The following CTPS2 variants were observed in gnomAD, a reference collection of about 807,000 sequenced individuals.
CTPS2 encodes CTP synthase II.
CTPS2 carries 19 observed loss-of-function variants against 46.8 expected under a neutral mutation model. The observed-to-expected ratio is 0.41, with a 90% CI of 0.28 to 0.60. The LOEUF (loss-of-function observed/expected upper bound fraction) is 0.60. Ranked by LOEUF, CTPS2 falls within the 20% of genes least tolerant of loss-of-function variation. CTPS2 has a pLI of 0.35. For synonymous variants in CTPS2, 151 were observed against 165.2 expected (o/e 0.91, Z 0.66); for missense variants, 286 against 447.6 (o/e 0.64, Z 3.26).
At chrX:16,649,105 T>C (rs1467291254) in intron 13 of CTPS2, among the ~76,000 whole-genome samples, 1 of 112,467 alleles carries the variant, frequency 8.9e-6, no homozygotes, top group African/African-American at 3.2e-5. Flanking sequence ...ATCAATCTCC[T>C]TGGCAATTTT....
intron 2 of CTPS2, among the ~76,000 whole-genome samples, chrX:16,702,472 G>A (rs938781405): frequency 1.8e-5 from 2 of 112,485 alleles, no homozygotes; most frequent in African/African-American, 6.4e-5. Flanking sequence ...AGTGGGAAAT[G>A]TTAAGAGAAA....
intron 8 of CTPS2, among the ~76,000 whole-genome samples, chrX:16,687,872 C>T (rs899575810): frequency 9.0e-6 from 1 of 111,379 alleles, no homozygotes; most frequent in African/African-American, 3.3e-5. Flanking sequence ...GTACGTGACT[C>T]AATGTTAAGT....
chrX:16,594,254 C>T (rs1180318105), intron 17 of CTPS2, among the ~76,000 whole-genome samples: 1 of 111,183 alleles, frequency 9.0e-6, no homozygotes, highest in Non-Finnish European at 1.9e-5. Flanking sequence ...CCAGATTTTA[C>T]ACCCACTTCC....
At chrX:16,694,674 T>G (rs1024063732) in intron 4 of CTPS2, among the ~76,000 whole-genome samples, 1 of 112,432 alleles carries the variant, frequency 8.9e-6, no homozygotes, top group Non-Finnish European at 1.9e-5. Flanking sequence ...TAAGGAACAG[T>G]GTTCTAGTAC....
At chrX:16,639,843 G>A (rs868326621) in intron 13 of CTPS2, among the ~76,000 whole-genome samples, 11 of 105,136 alleles carry the variant, frequency 1.0e-4, no homozygotes, top group Non-Finnish European at 4.0e-5. Flanking sequence ...AAAAGAAAAG[G>A]AAAAGAAAAG....
chrX:16,689,683 G>T, intron 7 of CTPS2, 82 bp from the exon 8 acceptor site: 1 of 914,505 alleles, frequency 1.1e-6, no homozygotes, highest in Non-Finnish European at 1.5e-6. Flanking sequence ...ATTCAGCAGA[G>T]ACTGGCAGTT....
intron 5 of CTPS2, 32 bp downstream of exon 5, chrX:16,693,339 T>C (rs1923854131): frequency 3.7e-6 from 4 of 1,090,414 alleles, no homozygotes; most frequent in Non-Finnish European, 5.1e-6. Flanking sequence ...CTTATCAAAG[T>C]TGCTGTCCAC....
intron 10 of CTPS2, among the ~76,000 whole-genome samples, chrX:16,674,639 C>T (rs771329427): frequency 1.4e-4 from 15 of 104,603 alleles, no homozygotes; most frequent in Middle Eastern, 5.3e-3. Flanking sequence ...GAGATCGAGA[C>T]CATCCTGGCT....
Position 16,709,320 on chromosome X carries a change from C to T in CTPS2, c.-40+3015G>A, listed in dbSNP as rs183831674. 7.6e-3 allele frequency among the ~76,000 whole-genome samples: 807 copies of T among 106,881 alleles called. 11 individuals are homozygous for T. The highest frequency in any genetic ancestry group is 0.027 in the African/African-American group (780 of 29,182). The allele number at this position is 106,881 out of a possible 115,157, so 92.8% of individuals were successfully genotyped here. On this transcript the variant is annotated intron_variant, in intron 1 of 18. Coordinates refer to ENST00000359276, the MANE Select transcript of CTPS2 (RefSeq NM_175859.3). Reference sequence around the variant, plus strand: ...GCGTGCACCTGTAATCCCGGCTACTCAGGAGGCTGAGGCACGAGAATTGCT... The same window carrying T: ...GCGTGCACCTGTAATCCCGGCTACTTAGGAGGCTGAGGCACGAGAATTGCT...
chrX:16,693,914 C>G (rs1022855745), intron 4 of CTPS2, among the ~76,000 whole-genome samples: 13 of 112,282 alleles, frequency 1.2e-4, no homozygotes, highest in Non-Finnish European at 1.1e-4. Context: ...TGCTTGTAAT[C>G]CCAGCACTTT....
At chrX:16,699,199 C>T (rs1924367835) in intron 2 of CTPS2, 106 bp from the exon 3 acceptor site, 1 of 505,458 alleles carries the variant, frequency 2.0e-6, no homozygotes, top group African/African-American at 2.5e-5. Context: ...ATTTGTAAGC[C>T]ATATTCTATC....
intron 14 of CTPS2, among the ~76,000 whole-genome samples, chrX:16,621,165 C>G (rs980663013): frequency 9.1e-6 from 1 of 109,471 alleles, no homozygotes; most frequent in African/African-American, 3.3e-5. Flanking sequence ...GCACCCTGGG[C>G]ATGACCAGTG....
At chrX:16,596,678 G>A (rs1929296137) in intron 17 of CTPS2, among the ~76,000 whole-genome samples, 1 of 108,432 alleles carries the variant, frequency 9.2e-6, no homozygotes, top group Non-Finnish European at 1.9e-5. Context: ...CTTTATAGCA[G>A]CATGATTTAT....
At chrX:16,608,398 A>G (rs1451459135) in intron 17 of CTPS2, among the ~76,000 whole-genome samples, 1 of 109,135 alleles carries the variant, frequency 9.2e-6, no homozygotes, top group African/African-American at 3.3e-5. Flanking sequence ...ACCAGCCTGG[A>G]CAATATAGTG....
intron 15 of CTPS2, among the ~76,000 whole-genome samples, chrX:16,619,918 C>T (rs1930729261): frequency 1.8e-5 from 2 of 111,436 alleles, no homozygotes; most frequent in African/African-American, 6.5e-5. Context: ...TTCAAGTCCT[C>T]TTTTCCACAA....
At chrX:16,698,896 C>T in intron 3 of CTPS2, 27 bp downstream of exon 3, 1 of 1,167,761 alleles carries the variant, frequency 8.6e-7, no homozygotes, top group Non-Finnish European at 1.1e-6. Flanking sequence ...GCACACAGGG[C>T]TCCATAATGT....
chrX:16,688,929 A>G (rs2147350406), intron 8 of CTPS2, among the ~76,000 whole-genome samples: 1 of 105,541 alleles, frequency 9.5e-6, no homozygotes, highest in Non-Finnish European at 1.9e-5. Context: ...TCCCGTCTCT[A>G]CAAAAAAAAA....
At chrX:16,640,690 T>C (rs1932036115) in intron 13 of CTPS2, among the ~76,000 whole-genome samples, 1 of 112,054 alleles carries the variant, frequency 8.9e-6, no homozygotes, top group Admixed American at 9.5e-5. Context: ...TTTTTTAAAG[T>C]TGTTAGAACA....
intron 13 of CTPS2, among the ~76,000 whole-genome samples, chrX:16,655,779 TTTTTTC>T (rs1942439303): frequency 9.0e-6 from 1 of 111,446 alleles, no homozygotes; most frequent in African/African-American, 3.3e-5. Flanking sequence ...CAACCTTTCT[TTTTTTC>T]TTTTTCTTTT....
Sources: allele counts gnomAD v4.1 joint callset (sites outside exome capture counted in the v4.1 genomes callset), GRCh38; gene constraint gnomAD v4.1.1; transcripts MANE v1.5; gene names NCBI Gene and HGNC (gene_info 2026-07-23, HGNC 2026-07-21).